Variants in DCUN1D3 observed in about 807,000 individuals in gnomAD.
The protein encoded by DCUN1D3 is defective in cullin neddylation 1 domain containing 3, also known as DCN1-like protein 3.
DCUN1D3 carries 6 observed loss-of-function variants against 24.8 expected under a neutral mutation model. The ratio of observed to expected loss-of-function variants is 0.24; its 90% CI spans 0.13 to 0.48. The LOEUF is 0.48. Among genes scored for constraint, DCUN1D3 ranks in the 20% least tolerant of loss-of-function variants. DCUN1D3 has a pLI of 0.99. For synonymous variants in DCUN1D3, 120 were observed against 144.9 expected (o/e 0.83, Z 1.24); for missense variants, 258 against 379.4 (o/e 0.68, Z 2.66).
intron 1 of DCUN1D3, among the ~76,000 whole-genome samples, chr16:20,880,398 G>A (rs376923273): frequency 2.6e-5 from 4 of 151,976 alleles, no homozygotes; most frequent in Non-Finnish European, 5.9e-5. Context: ...CCAGTAGTTC[G>A]AGACCAGCTT....
At chr16:20,881,668 C>T (rs1418800211) in intron 1 of DCUN1D3, among the ~76,000 whole-genome samples, 1 of 152,022 alleles carries the variant, frequency 6.6e-6, no homozygotes, top group African/African-American at 2.4e-5. Flanking sequence ...ATGGCTATCC[C>T]TATTTTACGG....
At chr16:20,861,481 A>C (rs561788056) in intron 2 of DCUN1D3, among the ~76,000 whole-genome samples, 1 of 152,150 alleles carries the variant, frequency 6.6e-6, no homozygotes, top group Non-Finnish European at 1.5e-5. Context: ...CCCTCCCCAG[A>C]GGCACTTACT....
intron 1 of DCUN1D3, among the ~76,000 whole-genome samples, chr16:20,887,459 G>C (rs147835910): frequency 6.6e-6 from 1 of 152,344 alleles, no homozygotes; most frequent in Non-Finnish European, 1.5e-5. Context: ...GCCACACTTT[G>C]AGAAACAGTG....
intron 1 of DCUN1D3, among the ~76,000 whole-genome samples, chr16:20,874,879 T>C (rs2081806018): frequency 6.6e-6 from 1 of 152,014 alleles, no homozygotes; most frequent in Non-Finnish European, 1.5e-5. Flanking sequence ...GGCCCCAGAG[T>C]ACATTAACAT....
intron 1 of DCUN1D3, chr16:20,896,261 A>C (rs1443320995): frequency 1.3e-5 from 2 of 152,210 alleles, no homozygotes; most frequent in Non-Finnish European, 2.9e-5. Flanking sequence ...AACAGTAGCA[A>C]AATCTGATTA....
At chr16:20,891,186 G>A (rs1341335965) in intron 1 of DCUN1D3, among the ~76,000 whole-genome samples, 3 of 151,934 alleles carry the variant, frequency 2.0e-5, no homozygotes, top group Admixed American at 2.0e-4. Context: ...TAGAGATGGG[G>A]TTTCACCATC....
intron 1 of DCUN1D3, among the ~76,000 whole-genome samples, chr16:20,872,049 C>A (rs1218047076): frequency 1.3e-5 from 2 of 152,176 alleles, no homozygotes; most frequent in Admixed American, 1.3e-4. Context: ...GTAGAGCCCA[C>A]TGAAAGTAAA....
At position 20,857,686 on chromosome 16, in the gene DCUN1D3, C is replaced by T. The variant is rs1468139936; in HGVS notation, c.*2200G>A. 1 of 152,166 alleles carries T rather than the reference C, an allele frequency of 6.6e-6. No individual in the cohort carries two copies. The highest frequency in any genetic ancestry group is 2.4e-5 in the African/African-American group (1 of 41,426). The allele number at this position is 152,166 out of a possible 1,614,324, so 9.4% of individuals were successfully genotyped here. A position where few individuals can be genotyped will look rare whatever the true frequency, so the allele number is the denominator to read the frequency against. ...CTGCTGGGACCCCTGGAGACTTATT[C>T]AAGAGTCTTATTTAGCTAGAACAGA... On this transcript the variant is annotated 3_prime_UTR_variant, in exon 3 of 3. Transcript: ENST00000324344.
chr16:20,893,469 T>C (rs887971662), intron 1 of DCUN1D3, among the ~76,000 whole-genome samples: 1 of 152,234 alleles, frequency 6.6e-6, no homozygotes, highest in Non-Finnish European at 1.5e-5. Context: ...TGCATTACCA[T>C]GCCTGGCCTA....
chr16:20,876,394 C>T (rs1567426048), intron 1 of DCUN1D3, among the ~76,000 whole-genome samples: 1 of 149,608 alleles, frequency 6.7e-6, no homozygotes, highest in African/African-American at 2.5e-5. Context: ...AAATAAAAGC[C>T]ACAACGAAAT....
At chr16:20,886,268 C>A (rs747193886) in intron 1 of DCUN1D3, among the ~76,000 whole-genome samples, 1 of 152,184 alleles carries the variant, frequency 6.6e-6, no homozygotes, top group African/African-American at 2.4e-5. Context: ...GTGGCCATCA[C>A]CACAAAGACT....
chr16:20,865,094 CAT>C (rs1336293484), intron 1 of DCUN1D3, among the ~76,000 whole-genome samples: 3 of 151,528 alleles, frequency 2.0e-5, no homozygotes, highest in Non-Finnish European at 2.9e-5. Flanking sequence ...CCCCATGACA[CAT>C]GTTTACCTGT....
At chr16:20,862,961 A>C (rs1311198083) in intron 1 of DCUN1D3, among the ~76,000 whole-genome samples, 2 of 152,228 alleles carry the variant, frequency 1.3e-5, no homozygotes, top group African/African-American at 4.8e-5. Flanking sequence ...CTGTCTTGCC[A>C]ACTTGCCATC....
chr16:20,883,854 C>G (rs2152518250), intron 1 of DCUN1D3, among the ~76,000 whole-genome samples: 1 of 152,322 alleles, frequency 6.6e-6, no homozygotes, highest in African/African-American at 2.4e-5. Flanking sequence ...ATAAATTAAG[C>G]AACTCCAGCT....
chr16:20,892,037 C>G (rs994656006), intron 1 of DCUN1D3, among the ~76,000 whole-genome samples: 2 of 152,154 alleles, frequency 1.3e-5, no homozygotes, highest in African/African-American at 4.8e-5. Flanking sequence ...GGCCAGCTAC[C>G]CTACACAAGC....
chr16:20,887,940 G>A (rs916005927), intron 1 of DCUN1D3, among the ~76,000 whole-genome samples: 11 of 152,178 alleles, frequency 7.2e-5, no homozygotes, highest in African/African-American at 1.9e-4. Flanking sequence ...AGGGTTTCAG[G>A]AGGAAGATTT....
At chr16:20,893,693 G>A (rs2081902545) in intron 1 of DCUN1D3, among the ~76,000 whole-genome samples, 1 of 152,298 alleles carries the variant, frequency 6.6e-6, no homozygotes, top group Middle Eastern at 3.4e-3. Context: ...AACAATGGCG[G>A]AGAGGGCTCC....
chr16:20,891,534 G>C (rs2081892334), intron 1 of DCUN1D3, among the ~76,000 whole-genome samples: 1 of 152,194 alleles, frequency 6.6e-6, no homozygotes, highest in East Asian at 1.9e-4. Flanking sequence ...TTGGCCAGCA[G>C]TCTGTAAAGA....
chr16:20,879,332 A>G (rs1055831963), intron 1 of DCUN1D3, among the ~76,000 whole-genome samples: 27 of 152,162 alleles, frequency 1.8e-4, no homozygotes, highest in African/African-American at 6.5e-4. Flanking sequence ...ATGATGGAAA[A>G]CCAAACTGAT....
Sources: gnomAD v4.1 joint callset for allele counts (sites outside exome capture counted in the v4.1 genomes callset) on GRCh38, gnomAD v4.1.1 for gene constraint, MANE v1.5 for transcripts, NCBI Gene and HGNC (gene_info 2026-07-23, HGNC 2026-07-21) for gene names.